ACTA2: variants seen among roughly 807,000 people sequenced by gnomAD.
The protein encoded by ACTA2 is actin, aortic smooth muscle.
ACTA2 carries 12 observed loss-of-function variants against 39.5 expected under a neutral mutation model. That is an observed-to-expected ratio of 0.30 (90% CI 0.19 to 0.49). ACTA2 has a LOEUF of 0.49. Ranked by LOEUF, ACTA2 falls within the 20% of genes least tolerant of loss-of-function variation. The pLI is 0.99. For synonymous variants in ACTA2, 158 were observed against 180.6 expected, an observed-to-expected ratio of 0.88 and a Z score of 1.00; for missense variants, 236 against 498.8, an observed-to-expected ratio of 0.47 and a Z score of 5.02.
At chr10:88,956,854 C>A (rs555547026), upstream of ACTA2, among the ~76,000 whole-genome samples, 1 of 152,192 alleles carries the variant, frequency 6.6e-6, no homozygotes, top group Non-Finnish European at 1.5e-5. Context: ...GCCAGGAAGT[C>A]CAGGATCAAG....
At chr10:88,939,358 C>G in intron 7 of ACTA2, 149 bp downstream of exon 7, 1 of 1,029,016 alleles carries the variant, frequency 9.7e-7, no homozygotes, top group Non-Finnish European at 1.5e-6. Context: ...TGTCTTCTCG[C>G]CTTGAAAATG....
chr10:88,942,988 C>G (rs1253629704), intron 4 of ACTA2, among the ~76,000 whole-genome samples: 1 of 152,118 alleles, frequency 6.6e-6, no homozygotes, highest in African/African-American at 2.4e-5. Flanking sequence ...GCTGTGTGAC[C>G]CTGGGAGAAT....
rs1290926270 is a variant in ACTA2 at position 88,990,891 on chromosome 10, G to C, written c.-24+48C>G. ...GCTCAACAACCATGCTGGGCATCTGGACCCTCCTACCTCTGGTGAGCCCTC... is the reference window on the plus strand; with the variant it reads ...GCTCAACAACCATGCTGGGCATCTGCACCCTCCTACCTCTGGTGAGCCCTC... On this transcript the variant is annotated intron_variant, in intron 1 of 4. Transcript: ENST00000415557. This position sits in a 1 kb window ranked among gnomAD's most constrained non-coding sequence, Gnocchi z 4.9. 6.2e-7 allele frequency: 1 copy of C among 1,614,240 alleles called. No homozygotes were observed. The highest frequency in any genetic ancestry group is 1.3e-5 in the African/African-American group (1 of 75,068).
At chr10:88,985,338 C>G (rs1039045071) in intron 1 of ACTA2, among the ~76,000 whole-genome samples, 1 of 152,158 alleles carries the variant, frequency 6.6e-6, no homozygotes, top group Non-Finnish European at 1.5e-5. Flanking sequence ...TGTCTATATG[C>G]TCATATGCAC....
rs1800038887 is a variant in ACTA2 at position 88,990,628 on chromosome 10, G to A, written c.-24+311C>T. 2.9e-6 allele frequency: 2 copies of A among 690,790 alleles called. No homozygotes were observed. Among genetic ancestry groups the A allele is most frequent in the Admixed American group, 4.0e-5 (2 of 49,610 alleles). 42.8% of individuals were successfully genotyped at this position (690,790 alleles called of 1,614,324 possible). ...CCTTCCCATCCTCCTGACCACCGGG[G>A]CTTTTCGTGAGCTCGTCTCTGATCT... On this transcript the variant is annotated intron_variant, in intron 1 of 4. Transcript: ENST00000415557. The surrounding 1 kb of genome is among the most constrained non-coding windows in gnomAD (Gnocchi z 4.9).
intron 1 of ACTA2, among the ~76,000 whole-genome samples, chr10:88,981,428 G>A (rs1477366341): frequency 3.3e-5 from 5 of 151,328 alleles, no homozygotes; most frequent in Non-Finnish European, 5.9e-5. Context: ...TTCCATCGTC[G>A]TGATTTATAC....
At chr10:88,950,172 AC>A (rs1846024213) in intron 1 of ACTA2, among the ~76,000 whole-genome samples, 1 of 152,168 alleles carries the variant, frequency 6.6e-6, no homozygotes, top group Admixed American at 6.5e-5. Context: ...CTCTTTAGCC[AC>A]CCCTTGGCTT....
At chr10:88,954,387 A>C (rs3758487), upstream of ACTA2, among the ~76,000 whole-genome samples, 4,651 of 152,298 alleles carry the variant, frequency 0.031, 115 homozygotes, top group South Asian at 0.084. Flanking sequence ...TAGAATGTTA[A>C]AATATAAAAT....
At position 88,941,342 on chromosome 10, in the gene ACTA2, T is replaced by G; in HGVS notation, c.503A>C (p.Tyr168Ser). 1 of 1,613,832 alleles carries G rather than the reference T, an allele frequency of 6.2e-7. No individual in the cohort carries two copies. The highest frequency in any genetic ancestry group is 8.5e-7 in the Non-Finnish European group (1 of 1,179,910). The stretch of plus-strand genomic sequence containing the variant: ...GGCATGGGGCAAGGCATAGCCCTCA[T>G]AGATGGGGACATTGTGGGTGACACC... ...GDGVTHNVPIYEGYALPHAIM... is the reference protein window; with the variant it reads ...GDGVTHNVPISEGYALPHAIM... The change falls in exon 6 of 9, where the codon TAT becomes TCT. Residue 168 changes from tyrosine (Y) to serine (S), a missense_variant. Coordinates refer to ENST00000224784, the MANE Select transcript of ACTA2 (RefSeq NM_001613.4).
chr10:88,984,645 T>C (rs1471246009), intron 1 of ACTA2, among the ~76,000 whole-genome samples: 2 of 151,736 alleles, frequency 1.3e-5, no homozygotes, highest in African/African-American at 2.4e-5. Flanking sequence ...ATGTGGTCCA[T>C]GCTCTCTGAG....
intron 1 of ACTA2, among the ~76,000 whole-genome samples, chr10:88,959,560 TAGAAAAGTTGTGA>T (rs1846193952): frequency 6.6e-6 from 1 of 152,204 alleles, no homozygotes; most frequent in Non-Finnish European, 1.5e-5. Flanking sequence ...CATATTAGAA[TAGAAAAGTTGTGA>T]AGATAATACA....
intron 8 of ACTA2, chr10:88,935,631 A>T: frequency 2.5e-6 from 1 of 394,542 alleles, no homozygotes; most frequent in Non-Finnish European, 4.8e-6. Flanking sequence ...GAGCAAACTG[A>T]AAGTTGGCTC....
At chr10:88,973,409 C>G in intron 1 of ACTA2, 2 of 1,307,146 alleles carry the variant, frequency 1.5e-6, no homozygotes, top group Non-Finnish European at 2.0e-6. Flanking sequence ...CCGATGAAAA[C>G]AACTCTTTCT....
chr10:88,941,457 G>T, intron 5 of ACTA2, 67 bp from the exon 6 acceptor site: 1 of 1,590,730 alleles, frequency 6.3e-7, no homozygotes, highest in African/African-American at 1.3e-5. Context: ...TGGACAAGTA[G>T]AGGGAAGCCT....
chr10:88,970,143 T>C (rs577927010), intron 1 of ACTA2, among the ~76,000 whole-genome samples: 15 of 152,186 alleles, frequency 9.9e-5, no homozygotes, highest in African/African-American at 3.4e-4. Context: ...CAGGATATGA[T>C]ACCTAAAGAA....
At chr10:88,984,979 G>A (rs113872941) in intron 1 of ACTA2, among the ~76,000 whole-genome samples, 35 of 152,322 alleles carry the variant, frequency 2.3e-4, no homozygotes, top group African/African-American at 7.9e-4. Context: ...AGCAGTATAG[G>A]TAAATAAAAT....
At chr10:88,936,806 G>A (rs1845749123) in intron 8 of ACTA2, among the ~76,000 whole-genome samples, 1 of 152,124 alleles carries the variant, frequency 6.6e-6, no homozygotes, top group African/African-American at 2.4e-5. Context: ...AATTCTATGG[G>A]AGTTCCCATA....
chr10:88,982,464 T>G (rs932178333), intron 1 of ACTA2, among the ~76,000 whole-genome samples: 2 of 151,910 alleles, frequency 1.3e-5, no homozygotes, highest in African/African-American at 4.8e-5. Context: ...AAGACATAAA[T>G]GGCAGAATAT....
chr10:88,991,104 A>G (rs1445125223), exon 1 of ACTA2: 3 of 664,780 alleles, frequency 4.5e-6, no homozygotes, highest in African/African-American at 1.8e-5. Context: ...CCGGGTGCTC[A>G]GAACGCTGGA....
Sources: allele counts gnomAD v4.1 joint callset (sites outside exome capture counted in the v4.1 genomes callset), GRCh38; gene constraint gnomAD v4.1.1; non-coding constraint Gnocchi (gnomAD v3.1); transcripts MANE v1.5; gene names NCBI Gene and HGNC (gene_info 2026-07-23, HGNC 2026-07-21).